The following SNX14 variants were observed in gnomAD, a reference collection of about 807,000 sequenced individuals.
The protein encoded by SNX14 is sorting nexin-14.
A neutral mutation model predicts 133.8 loss-of-function variants in SNX14; 93 were observed. That is an observed-to-expected ratio of 0.70 (90% CI 0.59 to 0.83). The LOEUF (loss-of-function observed/expected upper bound fraction) is 0.83, where lower values mean the gene tolerates loss of function less well. Among genes scored for constraint, SNX14 ranks in the 40% least tolerant of loss-of-function variants. SNX14 has a pLI of 0.00. For missense variants in SNX14, 945 were observed against 1,094.9 expected (o/e 0.86, Z 1.93); for synonymous variants, 368 against 365.6 (o/e 1.01, Z -0.07).
chr6:85,572,723 G>A (rs1054650929), intron 2 of SNX14, among the ~76,000 whole-genome samples: 2 of 152,164 alleles, frequency 1.3e-5, no homozygotes, highest in East Asian at 1.9e-4. Flanking sequence ...CTGGGAGACC[G>A]CGGTGAGTGG....
chr6:85,531,885 G>T (rs554847961), intron 18 of SNX14, among the ~76,000 whole-genome samples: 1 of 152,076 alleles, frequency 6.6e-6, no homozygotes, highest in East Asian at 1.9e-4. Flanking sequence ...AAAATTAGCT[G>T]GGCGTGGTGA....
intron 21 of SNX14, among the ~76,000 whole-genome samples, chr6:85,524,889 T>C (rs960939787): frequency 2.0e-5 from 3 of 152,126 alleles, no homozygotes; most frequent in East Asian, 1.9e-4. Context: ...GTTTATGGGA[T>C]GATTCTTTGG....
At chr6:85,576,384 G>A (rs905228737) in intron 1 of SNX14, among the ~76,000 whole-genome samples, 7 of 152,030 alleles carry the variant, frequency 4.6e-5, no homozygotes, top group Non-Finnish European at 7.4e-5. Flanking sequence ...TAGACAAAAC[G>A]ATGACAACAA....
intron 15 of SNX14, among the ~76,000 whole-genome samples, chr6:85,541,520 G>A (rs1783749934): frequency 6.6e-6 from 1 of 151,974 alleles, no homozygotes; most frequent in African/African-American, 2.4e-5. Flanking sequence ...GTTTATAAAT[G>A]GATAAAGATT....
At position 85,564,262 on chromosome 6, in the gene SNX14, T is replaced by C. The variant is rs182211619; in HGVS notation, c.549+1070A>G. On this transcript the variant is annotated intron_variant, in intron 6 of 28. Coordinates refer to ENST00000314673, the MANE Select transcript of SNX14 (RefSeq NM_153816.6). ...TGCATGTGTCTTTAGAGCAGCATGA[T>C]TTATAATCCTTTGGGTATATACCCA... 8.3e-3 allele frequency among the ~76,000 whole-genome samples: 1,268 copies of C among 152,344 alleles called. 9 individuals carry two copies. Among genetic ancestry groups the C allele is most frequent in the Middle Eastern group, 0.014 (4 of 294 alleles).
chr6:85,532,696 G>T (rs1054890230), intron 18 of SNX14, among the ~76,000 whole-genome samples: 2 of 152,086 alleles, frequency 1.3e-5, no homozygotes, highest in African/African-American at 4.8e-5. Context: ...GTGCAAAGTG[G>T]TGACTATTTT....
At chr6:85,588,575 C>CTAAATAAATAAATAAA (rs145183684) in intron 1 of SNX14, among the ~76,000 whole-genome samples, 13,003 of 148,942 alleles carry the variant, frequency 0.087, 1,186 homozygotes, top group African/African-American at 0.23. Flanking sequence ...GACTCCGTCT[C>CTAAATAAATAAATAAA]TAAATAAATA....
chr6:85,538,029 G>C (rs1314115370), intron 16 of SNX14, among the ~76,000 whole-genome samples: 2 of 152,156 alleles, frequency 1.3e-5, no homozygotes, highest in African/African-American at 4.8e-5. Flanking sequence ...GAGAAAGTTT[G>C]TTTTGAATGC....
At chr6:85,564,468 C>A (rs1473387196) in intron 6 of SNX14, among the ~76,000 whole-genome samples, 1 of 152,178 alleles carries the variant, frequency 6.6e-6, no homozygotes, top group Non-Finnish European at 1.5e-5. Flanking sequence ...GCCATTCTAA[C>A]TGGTGTGAGA....
At chr6:85,579,613 G>A (rs1217887172) in intron 1 of SNX14, among the ~76,000 whole-genome samples, 2 of 152,188 alleles carry the variant, frequency 1.3e-5, no homozygotes, top group Non-Finnish European at 2.9e-5. Context: ...GGACAACACA[G>A]TGATTGTGAG....
intron 4 of SNX14, among the ~76,000 whole-genome samples, chr6:85,570,614 G>C (rs2128187664): frequency 6.6e-6 from 1 of 152,222 alleles, no homozygotes; most frequent in Non-Finnish European, 1.5e-5. Flanking sequence ...CAACACTTTG[G>C]GAGGTCGAGG....
chr6:85,584,146 A>G (rs951418035), intron 1 of SNX14, among the ~76,000 whole-genome samples: 6 of 152,152 alleles, frequency 3.9e-5, no homozygotes, highest in African/African-American at 1.4e-4. Flanking sequence ...CAAGCAATGA[A>G]GAAAGGATTC....
At chr6:85,577,421 A>C (rs1257104621) in intron 1 of SNX14, among the ~76,000 whole-genome samples, 1 of 151,944 alleles carries the variant, frequency 6.6e-6, no homozygotes, top group Non-Finnish European at 1.5e-5. Flanking sequence ...CGTCTAAATA[A>C]ATAAATACAT....
chr6:85,532,392 C>T (rs995128687), intron 18 of SNX14, among the ~76,000 whole-genome samples: 11 of 152,198 alleles, frequency 7.2e-5, no homozygotes, highest in Admixed American at 5.2e-4. Context: ...AAAATTATAA[C>T]TAGCTACTCT....
intron 1 of SNX14, chr6:85,581,183 C>T (rs1375142409): frequency 6.6e-6 from 1 of 152,260 alleles, no homozygotes; most frequent in Non-Finnish European, 1.5e-5. Context: ...GAGAAGAGAA[C>T]AGGAGACTCT....
intron 9 of SNX14, among the ~76,000 whole-genome samples, chr6:85,547,886 T>C (rs191705594): frequency 1.0e-3 from 156 of 152,308 alleles, no homozygotes; most frequent in Non-Finnish European, 1.9e-3. Flanking sequence ...AAACATGTTA[T>C]ACACATACAA....
intron 7 of SNX14, among the ~76,000 whole-genome samples, chr6:85,557,702 G>T (rs1790209390): frequency 6.6e-6 from 1 of 152,178 alleles, no homozygotes; most frequent in African/African-American, 2.4e-5. Context: ...AGGAGAAAGG[G>T]TGAAGAGAAA....
chr6:85,557,395 G>C (rs1489006383), intron 7 of SNX14, among the ~76,000 whole-genome samples: 2 of 152,064 alleles, frequency 1.3e-5, no homozygotes, highest in Admixed American at 6.6e-5. Context: ...AAGGAAAGAA[G>C]GGAAAACATT....
chr6:85,508,423 C>A, intron 26 of SNX14: 1 of 966,490 alleles, frequency 1.0e-6, no homozygotes, highest in Non-Finnish European at 1.2e-6. Flanking sequence ...GATGTTTGTA[C>A]ATCTGTACAT....
Sources: gnomAD v4.1 joint callset for allele counts (sites outside exome capture counted in the v4.1 genomes callset) on GRCh38, gnomAD v4.1.1 for gene constraint, MANE v1.5 for transcripts, NCBI Gene and HGNC (gene_info 2026-07-23, HGNC 2026-07-21) for gene names.